DCHS2: variants seen among roughly 807,000 people sequenced by gnomAD.
DCHS2 encodes dachsous cadherin-related 2, also known as protocadherin-23.
DCHS2 carries 142 observed loss-of-function variants against 182.4 expected under a neutral mutation model. The ratio of observed to expected loss-of-function variants is 0.78; its 90% CI spans 0.68 to 0.89. The LOEUF is 0.89. Among genes scored for constraint, DCHS2 ranks in the 40% least tolerant of loss-of-function variants. The pLI, the probability that DCHS2 is intolerant of heterozygous loss-of-function variation, is 0.00. For synonymous variants in DCHS2, 1,740 were observed against 1,663.3 expected (o/e 1.05, Z -1.12); for missense variants, 4,319 against 4,198.6 (o/e 1.03, Z -0.79).
intron 1 of DCHS2, among the ~76,000 whole-genome samples, chr4:154,396,762 A>AT (rs1405351258): frequency 6.6e-6 from 1 of 152,076 alleles, no homozygotes; most frequent in Non-Finnish European, 1.5e-5. Flanking sequence ...GTATAACAAA[A>AT]TGCTACTCAT....
intron 2 of DCHS2, among the ~76,000 whole-genome samples, chr4:154,369,309 G>A (rs888800389): frequency 3.3e-5 from 5 of 152,184 alleles, no homozygotes; most frequent in African/African-American, 1.2e-4. Flanking sequence ...ACTTCTCACA[G>A]AGCCTTTTGC....
chr4:154,297,377 T>C (rs1049508399), intron 13 of DCHS2, among the ~76,000 whole-genome samples: 1 of 152,244 alleles, frequency 6.6e-6, no homozygotes, highest in Non-Finnish European at 1.5e-5. Context: ...TGGATATTTA[T>C]GGATACCACA....
chr4:154,346,245 A>T lies in DCHS2; in HGVS notation c.2477-11141T>A, dbSNP rs148685413. 1.9e-3 allele frequency among the ~76,000 whole-genome samples: 294 copies of T among 152,344 alleles called. 1 individual carries two copies. Among genetic ancestry groups the T allele is most frequent in the African/African-American group, 6.7e-3 (278 of 41,578 alleles). On this transcript the variant is annotated intron_variant, in intron 3 of 19. Coordinates refer to ENST00000357232, the MANE Select transcript of DCHS2 (RefSeq NM_001358235.2). ...AAGAGTAATGTGGTGTCAGAACTCC[A>T]GATCAAATATTTACATTATTATACA... is the stretch of plus-strand genomic sequence containing the variant.
At position 154,391,264 on chromosome 4, in the gene DCHS2, C is replaced by T. The variant is rs149318857; in HGVS notation, c.2053-13820G>A. 3.9e-5 allele frequency: 63 copies of T among 1,608,044 alleles called. No homozygotes were observed. In the African/African-American group the frequency reaches 7.9e-4, roughly 20 times the overall value. On this transcript the variant is annotated intron_variant, in intron 1 of 19. Coordinates refer to ENST00000357232, the MANE Select transcript of DCHS2 (RefSeq NM_001358235.2). ...GTAAACATCTTCTTTTCTCCGTCTT[C>T]ATTCTCTGATTTCGTTATCTCATCC...
Position 154,320,819 on chromosome 4 carries a change from G to T in DCHS2, c.4580C>A (p.Thr1527Asn). 2 of 1,614,004 alleles carry T rather than the reference G, an allele frequency of 1.2e-6. No individual in the cohort carries two copies. Among genetic ancestry groups the T allele is most frequent in the Non-Finnish European group, 1.7e-6 (2 of 1,179,976 alleles). ...TTTGGCATTGAAGACATACACCAGG[G>T]TTCCTATGGGAACATTCTCCTCTAC... ...ISVEENVPIG[T>N]LVYVFNAKDD... Residue 1527 changes from threonine to asparagine, a missense_variant, in exon 9 of 20, where the codon ACC becomes AAC. Physicochemically the swap from Thr to Asn is moderately conservative, Grantham distance 65. Transcript: ENST00000357232.
At chr4:154,258,324 A>ATGGATATGT (rs570053706) in intron 15 of DCHS2, among the ~76,000 whole-genome samples, 41 of 145,926 alleles carry the variant, frequency 2.8e-4, no homozygotes, top group South Asian at 1.1e-3. Context: ...CACCAACAGC[A>ATGGATATGT]TGGATATGTG....
chr4:154,478,252 C>T (rs1036575795), intron 1 of DCHS2, among the ~76,000 whole-genome samples: 7 of 152,164 alleles, frequency 4.6e-5, no homozygotes, highest in African/African-American at 1.7e-4. Flanking sequence ...TGATCTGAAT[C>T]TCATTGAAAG....
In DCHS2 at chr4:154,298,534, T is replaced by C. The variant is rs970664836; in HGVS notation, c.5780A>G (p.Asn1927Ser). The change falls in exon 13 of 20, where the codon AAT (asparagine) becomes AGT (serine). Residue 1927 changes from asparagine (N) to serine (S), a missense_variant. Coordinates refer to ENST00000357232, the MANE Select transcript of DCHS2 (RefSeq NM_001358235.2). The part of the protein sequence containing the change: ...IHLQVRVLDA[N>S]DHSPSFPTLY... The stretch of plus-strand genomic sequence containing the variant: ...TGTGGGAAAAGAAGGACTGTGGTCA[T>C]TGGCATCCAAAACTCTAACTTGCAG... 2.5e-6 allele frequency: 4 copies of C among 1,614,162 alleles called. No individual in the cohort carries two copies. The highest frequency in any genetic ancestry group is 3.4e-6 in the Non-Finnish European group (4 of 1,180,002).
intron 3 of DCHS2, chr4:154,335,307 T>C (rs1728743730): frequency 1.8e-6 from 1 of 561,920 alleles, no homozygotes; most frequent in South Asian, 2.0e-5. Flanking sequence ...TTTAAATCTG[T>C]AGACTGAATA....
chr4:154,307,177 C>A (rs1373682940), intron 10 of DCHS2, among the ~76,000 whole-genome samples: 1 of 152,118 alleles, frequency 6.6e-6, no homozygotes, highest in Non-Finnish European at 1.5e-5. Context: ...GCACCTTACA[C>A]CCTTACACCC....
rs1402027075 is a variant in DCHS2, at chr4:154,247,653, A to G, written c.6942-4881T>C. On this transcript the variant is annotated intron_variant, in intron 16 of 19. Transcript: ENST00000357232. ...TCCGTCTCAAAAAAAAAAAAAAAAAAAAAAAAAAAAAAAAAAAAAGAATTA... is the reference window on the plus strand; with the variant it reads ...TCCGTCTCAAAAAAAAAAAAAAAAAGAAAAAAAAAAAAAAAAAAAGAATTA... 3.4e-4 allele frequency among the ~76,000 whole-genome samples: 6 copies of G among 17,536 alleles called. 2 individuals are homozygous for G. Among genetic ancestry groups the G allele is most frequent in the South Asian group, 0.018 (1 of 56 alleles). 11.5% of individuals were successfully genotyped at this position (17,536 alleles called of 152,430 possible). A position where few individuals can be genotyped will look rare whatever the true frequency, so the allele number is the denominator to read the frequency against.
intron 1 of DCHS2, among the ~76,000 whole-genome samples, chr4:154,470,487 C>CAA (rs11404069): frequency 0.2 from 28,468 of 143,148 alleles, 2,908 homozygotes; most frequent in Non-Finnish European, 0.22. Context: ...GACCCTGTCT[C>CAA]AAAAAAAAAA....
Position 154,377,271 on chromosome 4 carries a change from C to T in DCHS2, c.2226G>A (p.Leu742=). ...RERDPATYDL[L]VEAKDGGGLS... Reference sequence around the variant, plus strand: ...AACTTACCCCATCCTTAGCTTCCACCAGGAGATCATAGGTAGCTGGATCCC... The same window carrying T: ...AACTTACCCCATCCTTAGCTTCCACTAGGAGATCATAGGTAGCTGGATCCC... Residue 742 remains leucine, a synonymous_variant, in exon 2 of 20, where the codon CTG becomes CTA. Coordinates refer to ENST00000357232, the MANE Select transcript of DCHS2 (RefSeq NM_001358235.2). The T allele has an allele frequency of 1.9e-6, 3 of 1,613,178 alleles. No homozygotes were observed. The highest frequency in any genetic ancestry group is 2.2e-5 in the South Asian group (2 of 90,932).
At chr4:154,449,590 C>A (rs528604510) in intron 1 of DCHS2, among the ~76,000 whole-genome samples, 1 of 152,208 alleles carries the variant, frequency 6.6e-6, no homozygotes, top group East Asian at 1.9e-4. Context: ...CTAGGCTGGT[C>A]TCGAACTCCT....
At chr4:154,275,491 T>C (rs1389411846) in intron 13 of DCHS2, among the ~76,000 whole-genome samples, 1 of 152,142 alleles carries the variant, frequency 6.6e-6, no homozygotes, top group African/African-American at 2.4e-5. Context: ...AATTGCATTA[T>C]AATCTGATGC....
intron 16 of DCHS2, among the ~76,000 whole-genome samples, chr4:154,244,731 C>A (rs1335589570): frequency 6.6e-6 from 1 of 152,154 alleles, no homozygotes; most frequent in Admixed American, 6.6e-5. Context: ...AGGCTGCCTT[C>A]TGCATTATCA....
chr4:154,367,038 A>G (rs2130709), intron 2 of DCHS2, among the ~76,000 whole-genome samples: 45,428 of 152,054 alleles, frequency 0.3, 8,332 homozygotes, highest in Non-Finnish European at 0.41. Flanking sequence ...AAAGGAAAGA[A>G]TAACAGGCAG....
chr4:154,235,541 A>C lies in DCHS2; in HGVS notation c.9111T>G (p.Asp3037Glu). ...NYEEKKTSSL[D>E]ADLRVTRDAS... The stretch of plus-strand genomic sequence containing the variant: ...CATCCCGGGTCACTCTCAAGTCCGC[A>C]TCTAAAGATGAGGTTTTCTTCTCCT... Residue 3037 changes from aspartate to glutamate, a missense_variant, in exon 20 of 20, where the codon GAT (aspartate) becomes GAG (glutamate). Coordinates refer to ENST00000357232, the MANE Select transcript of DCHS2 (RefSeq NM_001358235.2). The C allele has an allele frequency of 2.5e-6, 4 of 1,614,118 alleles. No individual in the cohort carries two copies. The highest frequency in any genetic ancestry group is 3.4e-6 in the Non-Finnish European group (4 of 1,179,968).
At chr4:154,430,377 G>A (rs532635664) in intron 1 of DCHS2, among the ~76,000 whole-genome samples, 1 of 152,146 alleles carries the variant, frequency 6.6e-6, no homozygotes, top group Non-Finnish European at 1.5e-5. Context: ...TTTCAAGCCT[G>A]GGCAGCATCA....
Sources: allele counts gnomAD v4.1 joint callset (sites outside exome capture counted in the v4.1 genomes callset), GRCh38; gene constraint gnomAD v4.1.1; transcripts MANE v1.5; gene names NCBI Gene and HGNC (gene_info 2026-07-23, HGNC 2026-07-21).